SUPT3H: variants seen among roughly 807,000 people sequenced by gnomAD.
SUPT3H encodes the protein SPT3 homolog, SAGA and STAGA complex component, also known as transcription initiation protein SPT3 homolog.
SUPT3H carries 44 observed loss-of-function variants against 44.3 expected under a neutral mutation model. The observed-to-expected ratio is 0.99, with a 90% confidence interval of 0.78 to 1.28. The LOEUF is 1.28. Among genes scored for constraint, SUPT3H ranks in the 50% most tolerant of loss-of-function variants. The pLI, the probability that SUPT3H is intolerant of heterozygous loss-of-function variation, is 0.00. For missense variants in SUPT3H, 380 were observed against 387.1 expected (o/e 0.98, Z 0.15); for synonymous variants, 124 against 125.6 (o/e 0.99, Z 0.09).
rs1785958124 is a variant in SUPT3H at position 45,026,093 on chromosome 6, T to C, written c.187-5461A>G. On this transcript the variant is annotated intron_variant, in intron 3 of 10. Coordinates refer to ENST00000371459, the MANE Select transcript of SUPT3H (RefSeq NM_003599.4). ...AGAGGCAGAATCCTAGGTAAGGTTA[T>C]CGCCTGGCTTAAAATTATTTATTTT... is the stretch of plus-strand genomic sequence containing the variant. 2.0e-5 allele frequency among the ~76,000 whole-genome samples: 3 copies of C among 152,162 alleles called. No individual in the cohort carries two copies. The South Asian group carries it at 6.2e-4, about 32-fold the overall frequency.
intron 2 of SUPT3H, among the ~76,000 whole-genome samples, chr6:45,358,517 T>G (rs939056993): frequency 6.6e-6 from 1 of 152,212 alleles, no homozygotes; most frequent in African/African-American, 2.4e-5. Context: ...GAATTACTTT[T>G]TATAAACTCC....
chr6:45,109,616 T>C (rs1799760507), intron 2 of SUPT3H, among the ~76,000 whole-genome samples: 1 of 152,222 alleles, frequency 6.6e-6, no homozygotes, highest in South Asian at 2.1e-4. Flanking sequence ...TTCAGGGTTA[T>C]TGGTACTTCA....
intron 10 of SUPT3H, among the ~76,000 whole-genome samples, chr6:44,921,675 C>T (rs561253487): frequency 3.9e-5 from 6 of 152,224 alleles, no homozygotes; most frequent in African/African-American, 1.4e-4. Flanking sequence ...CCTAATTAGT[C>T]TTGAATACAG....
chr6:44,955,041 C>T (rs1189238504), intron 7 of SUPT3H, among the ~76,000 whole-genome samples: 5 of 152,184 alleles, frequency 3.3e-5, no homozygotes, highest in African/African-American at 7.2e-5. Context: ...AAGAAACATA[C>T]AGAAACTATT....
At chr6:44,844,251 G>C (rs1215850152) in intron 10 of SUPT3H, among the ~76,000 whole-genome samples, 1 of 152,036 alleles carries the variant, frequency 6.6e-6, no homozygotes, top group African/African-American at 2.4e-5. Context: ...AACTGAAAAT[G>C]AATCACAGAC....
intron 6 of SUPT3H, among the ~76,000 whole-genome samples, chr6:44,976,861 C>T (rs1307946549): frequency 6.6e-6 from 1 of 152,062 alleles, no homozygotes; most frequent in African/African-American, 2.4e-5. Flanking sequence ...AATGGCTGTC[C>T]CTTGAGCTTC....
chr6:45,214,872 AC>A (rs1342296653), intron 2 of SUPT3H, among the ~76,000 whole-genome samples: 2 of 151,250 alleles, frequency 1.3e-5, no homozygotes, highest in East Asian at 3.9e-4. Flanking sequence ...GCTGCTTGTA[AC>A]CCCCTCACGA....
At chr6:44,822,675 A>G (rs187913880), downstream of SUPT3H, among the ~76,000 whole-genome samples, 1 of 152,334 alleles carries the variant, frequency 6.6e-6, no homozygotes, top group East Asian at 1.9e-4. Flanking sequence ...CGGTGCTTTA[A>G]ATTGGTTTTT....
intron 2 of SUPT3H, among the ~76,000 whole-genome samples, chr6:45,150,871 C>T (rs775698927): frequency 9.2e-5 from 14 of 151,978 alleles, no homozygotes; most frequent in Admixed American, 6.6e-4. Flanking sequence ...TACAGGCGTG[C>T]GCCACCATGC....
chr6:45,016,086 T>G (rs1784223041), intron 4 of SUPT3H, among the ~76,000 whole-genome samples: 1 of 152,106 alleles, frequency 6.6e-6, no homozygotes. Context: ...TCAAGTATTA[T>G]GTACTATACA....
chr6:45,023,187 C>A (rs1459460048), intron 3 of SUPT3H, among the ~76,000 whole-genome samples: 1 of 149,932 alleles, frequency 6.7e-6, no homozygotes, highest in East Asian at 2.0e-4. Context: ...TAACACTGAT[C>A]ATTAAGAGAA....
At chr6:44,924,606 A>G (rs1769242302) in intron 10 of SUPT3H, among the ~76,000 whole-genome samples, 1 of 152,180 alleles carries the variant, frequency 6.6e-6, no homozygotes, top group African/African-American at 2.4e-5. Flanking sequence ...AGTAAGCCAT[A>G]GAGTATTTAG....
At chr6:45,271,126 T>C (rs1776067575) in intron 2 of SUPT3H, among the ~76,000 whole-genome samples, 1 of 152,160 alleles carries the variant, frequency 6.6e-6, no homozygotes, top group African/African-American at 2.4e-5. Context: ...AGCATAAAAG[T>C]TTGGAAAATG....
At position 45,025,968 on chromosome 6, in the gene SUPT3H, C is replaced by T. The variant is rs1299862747; in HGVS notation, c.187-5336G>A. ...ACTGAAAGTATTTTAATGAGACTTC[C>T]ATTGCAGCTCTTTCTTTTAGGTTTT... On this transcript the variant is annotated intron_variant, in intron 3 of 10. Transcript: ENST00000371459. 3.9e-5 allele frequency among the ~76,000 whole-genome samples: 6 copies of T among 151,984 alleles called. No homozygotes were observed. In the East Asian group the frequency reaches 7.7e-4, roughly 20 times the overall value.
intron 2 of SUPT3H, among the ~76,000 whole-genome samples, chr6:45,202,989 T>C (rs539278187): frequency 7.0e-4 from 107 of 152,166 alleles, no homozygotes; most frequent in African/African-American, 2.5e-3. Flanking sequence ...ATATAGATTA[T>C]ACACAAATAC....
At chr6:45,333,279 T>C (rs1787883647) in intron 2 of SUPT3H, among the ~76,000 whole-genome samples, 1 of 151,536 alleles carries the variant, frequency 6.6e-6, no homozygotes, top group African/African-American at 2.4e-5. Context: ...AAAAGGGAGT[T>C]TCCTTACATT....
chr6:45,060,746 T>C (rs558734143), intron 3 of SUPT3H, among the ~76,000 whole-genome samples: 2 of 152,104 alleles, frequency 1.3e-5, no homozygotes, highest in Non-Finnish European at 2.9e-5. Context: ...TGAACAAATT[T>C]ACAAGAAAAA....
chr6:45,277,850 C>T (rs749243739), intron 2 of SUPT3H, among the ~76,000 whole-genome samples: 1 of 152,110 alleles, frequency 6.6e-6, no homozygotes, highest in Non-Finnish European at 1.5e-5. Context: ...CTTTTTCAAA[C>T]AACTAAATGT....
chr6:45,064,868 T>C (rs1023342991), intron 3 of SUPT3H, among the ~76,000 whole-genome samples: 1 of 145,830 alleles, frequency 6.9e-6, no homozygotes, highest in African/African-American at 2.6e-5. Flanking sequence ...ATGGGAGACT[T>C]TAACACCCCA....
Sources: allele counts gnomAD v4.1 joint callset (sites outside exome capture counted in the v4.1 genomes callset), GRCh38; gene constraint gnomAD v4.1.1; transcripts MANE v1.5; gene names NCBI Gene and HGNC (gene_info 2026-07-23, HGNC 2026-07-21).